Variants in NCOR1 observed in about 807,000 individuals in gnomAD.
NCOR1 encodes nuclear receptor corepressor 1.
NCOR1 carries 63 observed loss-of-function variants against 288.1 expected under a neutral mutation model. The observed-to-expected ratio is 0.22, with a 90% CI of 0.18 to 0.27. The LOEUF is 0.27. Ranked by LOEUF, NCOR1 falls within the 10% of genes least tolerant of loss-of-function variation. NCOR1 has a pLI of 1.00. For missense variants in NCOR1, 2,397 were observed against 3,019.2 expected (o/e 0.79, Z 4.83); for synonymous variants, 1,007 against 1,065.9 (o/e 0.94, Z 1.08).
intron 45 of NCOR1, among the ~76,000 whole-genome samples, chr17:16,033,978 G>T (rs1173835762): frequency 6.6e-6 from 1 of 152,156 alleles, no homozygotes; most frequent in Non-Finnish European, 1.5e-5. Context: ...TAACAGGCAT[G>T]AGCCACCGCG....
chr17:16,196,552 G>A (rs369857180), intron 1 of NCOR1, among the ~76,000 whole-genome samples: 37 of 152,136 alleles, frequency 2.4e-4, no homozygotes, highest in African/African-American at 8.7e-4. Context: ...GCGGCTGGGC[G>A]TGGTGGCTCA....
At chr17:16,129,125 C>T (rs2075216204) in intron 14 of NCOR1, among the ~76,000 whole-genome samples, 1 of 152,186 alleles carries the variant, frequency 6.6e-6, no homozygotes, top group Admixed American at 6.5e-5. Context: ...ACTCGCCACT[C>T]AATCAACATA....
At chr17:16,117,374 T>C (rs2071853017) in intron 18 of NCOR1, among the ~76,000 whole-genome samples, 1 of 151,984 alleles carries the variant, frequency 6.6e-6, no homozygotes, top group Non-Finnish European at 1.5e-5. Flanking sequence ...GGAATACAAA[T>C]AGAAACTTTA....
chr17:16,032,711 T>A (rs1597497844), intron 45 of NCOR1, among the ~76,000 whole-genome samples: 1 of 152,190 alleles, frequency 6.6e-6, no homozygotes, highest in Non-Finnish European at 1.5e-5. Flanking sequence ...ATGAGTAGCA[T>A]ATGAGTGAGG....
chr17:16,065,799 T>G, intron 32 of NCOR1, 105 bp from the exon 33 acceptor site: 1 of 987,534 alleles, frequency 1.0e-6, no homozygotes, highest in Non-Finnish European at 1.5e-6. Context: ...GCTGAGCTAG[T>G]GCACATGGAA....
intron 1 of NCOR1, among the ~76,000 whole-genome samples, chr17:16,211,726 T>G (rs1357200991): frequency 6.6e-6 from 1 of 152,084 alleles, no homozygotes. Flanking sequence ...TAGTAATATT[T>G]TGACCACACA....
intron 1 of NCOR1, among the ~76,000 whole-genome samples, chr17:16,212,808 AC>A: frequency 6.6e-6 from 1 of 152,058 alleles, no homozygotes; most frequent in South Asian, 2.1e-4. Context: ...GCAGTGGCTC[AC>A]CCCTATCATC....
At chr17:16,110,597 G>C (rs2069880419) in intron 18 of NCOR1, among the ~76,000 whole-genome samples, 1 of 152,132 alleles carries the variant, frequency 6.6e-6, no homozygotes, top group Non-Finnish European at 1.5e-5. Flanking sequence ...CAGGGTTCTG[G>C]AAGTCCCAGC....
At chr17:16,077,486 A>AGGAGAGGGGAGGAGAGGGGG (rs2062668488) in intron 26 of NCOR1, among the ~76,000 whole-genome samples, 1 of 22,662 alleles carries the variant, frequency 4.4e-5, no homozygotes, top group Non-Finnish European at 9.6e-5. Flanking sequence ...AGGAGAGGGG[A>AGGAGAGGGGAGGAGAGGGGG]GGAGAGGGGA....
chr17:16,117,582 G>A (rs2071946834), intron 18 of NCOR1, among the ~76,000 whole-genome samples: 1 of 151,602 alleles, frequency 6.6e-6, no homozygotes, highest in Admixed American at 6.6e-5. Flanking sequence ...CAGCACTTTG[G>A]GAGGCTGAGA....
chr17:16,176,498 A>G (rs1279895514), intron 3 of NCOR1, among the ~76,000 whole-genome samples: 2 of 152,060 alleles, frequency 1.3e-5, no homozygotes, highest in African/African-American at 4.8e-5. Context: ...CGAACTCCTG[A>G]CCTCAGGTGA....
intron 4 of NCOR1, among the ~76,000 whole-genome samples, chr17:16,167,178 T>A (rs894385818): frequency 2.6e-5 from 4 of 152,204 alleles, no homozygotes; most frequent in Non-Finnish European, 5.9e-5. Context: ...AAAGAATTAA[T>A]ATTACAAATG....
intron 18 of NCOR1, among the ~76,000 whole-genome samples, chr17:16,110,506 A>G (rs1267565603): frequency 6.6e-6 from 1 of 152,226 alleles, no homozygotes; most frequent in Admixed American, 6.5e-5. Flanking sequence ...ACATTTAACT[A>G]TAAGACGTTA....
chr17:16,071,679 T>G lies in NCOR1; in HGVS notation c.3896-14A>C. The G allele has an allele frequency of 6.2e-7, 1 of 1,604,550 alleles. No homozygotes were observed. On this transcript the variant is annotated splice_polypyrimidine_tract_variant and intron_variant, in intron 29 of 45. Coordinates refer to ENST00000268712, the MANE Select transcript of NCOR1 (RefSeq NM_006311.4). ...CTCTTGGTGTCCCTTGAAAAAGAATTCAGGAAACATTAAAATAATGCTGAT... is the reference window on the plus strand; with the variant it reads ...CTCTTGGTGTCCCTTGAAAAAGAATGCAGGAAACATTAAAATAATGCTGAT...
rs201585445 is a variant in NCOR1, at chr17:16,161,640, T to C, written c.619-2767A>G. Among the ~76,000 whole-genome samples, 7 of 152,316 alleles carry C rather than the reference T, an allele frequency of 4.6e-5. No homozygotes were observed. The East Asian group carries it at 1.3e-3, about 29-fold the overall frequency. On this transcript the variant is annotated intron_variant, in intron 5 of 45. Transcript: ENST00000268712. ...AACTTTACAATGTATTTGCCATGTT[T>C]TAAAAATAAATTTAATTGAAATTTT...
At chr17:16,088,276 T>C (rs2064572409) in intron 22 of NCOR1, among the ~76,000 whole-genome samples, 1 of 152,196 alleles carries the variant, frequency 6.6e-6, no homozygotes, top group Non-Finnish European at 1.5e-5. Flanking sequence ...ATGAGTTTTC[T>C]AGTTGAGAAA....
intron 4 of NCOR1, among the ~76,000 whole-genome samples, chr17:16,171,022 T>C (rs2083051266): frequency 6.6e-6 from 1 of 152,068 alleles, no homozygotes; most frequent in South Asian, 2.1e-4. Context: ...TTGTACAGCA[T>C]GGCAACTATA....
At chr17:16,091,264 A>T (rs932512350) in intron 22 of NCOR1, among the ~76,000 whole-genome samples, 4 of 152,266 alleles carry the variant, frequency 2.6e-5, no homozygotes, top group African/African-American at 7.2e-5. Context: ...AAAATAATGC[A>T]GAGCCACCTG....
intron 14 of NCOR1, among the ~76,000 whole-genome samples, chr17:16,127,557 GTA>G (rs1313507447): frequency 1.4e-5 from 2 of 140,120 alleles, no homozygotes; most frequent in African/African-American, 2.7e-5. Flanking sequence ...ATACACATGT[GTA>G]TATATGTATG....
Sources: gnomAD v4.1 joint callset for allele counts (sites outside exome capture counted in the v4.1 genomes callset) on GRCh38, gnomAD v4.1.1 for gene constraint, MANE v1.5 for transcripts, NCBI Gene and HGNC (gene_info 2026-07-23, HGNC 2026-07-21) for gene names.